LDLRAD3: variants seen among roughly 807,000 people sequenced by gnomAD.
LDLRAD3 encodes the protein low-density lipoprotein receptor class A domain-containing protein 3.
LDLRAD3 carries 20 observed loss-of-function variants against 29.4 expected under a neutral mutation model. The observed-to-expected ratio is 0.68, with a 90% CI of 0.48 to 0.99. The LOEUF (loss-of-function observed/expected upper bound fraction) is 0.99, where lower values mean the gene tolerates loss of function less well. Among genes scored for constraint, LDLRAD3 ranks in the 50% least tolerant of loss-of-function variants. The pLI is 0.00. For missense variants in LDLRAD3, 420 were observed against 454.3 expected, an observed-to-expected ratio of 0.92 and a Z score of 0.69; for synonymous variants, 157 against 192.7, an observed-to-expected ratio of 0.81 and a Z score of 1.53.
chr11:36,056,507 G>C (rs982359781), intron 2 of LDLRAD3, among the ~76,000 whole-genome samples: 1 of 152,166 alleles, frequency 6.6e-6, no homozygotes, highest in East Asian at 1.9e-4. Context: ...GGCTTGAGTT[G>C]AGCCACTGAA....
intron 1 of LDLRAD3, among the ~76,000 whole-genome samples, chr11:35,990,451 T>C (rs972461114): frequency 3.3e-5 from 5 of 152,068 alleles, no homozygotes; most frequent in African/African-American, 4.8e-5. Flanking sequence ...GGAATCTCGC[T>C]CTGTCACCCA....
intron 4 of LDLRAD3, among the ~76,000 whole-genome samples, chr11:36,137,064 A>G (rs150365276): frequency 6.6e-6 from 1 of 152,284 alleles, no homozygotes; most frequent in East Asian, 1.9e-4. Context: ...TAACACAGTT[A>G]CCCAAAGCCC....
chr11:36,221,590 T>C lies in LDLRAD3; in HGVS notation c.455-5495T>C, dbSNP rs147077957. On this transcript the variant is annotated intron_variant, in intron 4 of 5. Coordinates refer to ENST00000315571, the MANE Select transcript of LDLRAD3 (RefSeq NM_174902.4). ...CTTAGGTGGCAGGATCGCTTGAGCC[T>C]AAGAGTTCAAGACCAGCCTGGGCAG... Among the ~76,000 whole-genome samples, 61 of 152,140 alleles carry C rather than the reference T, an allele frequency of 4.0e-4. No homozygotes were observed. The Middle Eastern group carries it at 0.027, about 68-fold the overall frequency.
At chr11:36,087,984 G>T (rs1012054266) in intron 3 of LDLRAD3, among the ~76,000 whole-genome samples, 9 of 151,782 alleles carry the variant, frequency 5.9e-5, no homozygotes, top group African/African-American at 2.2e-4. Flanking sequence ...CTCCCAAAGT[G>T]CTGGGATTAC....
chr11:36,073,862 G>C (rs1037429714), intron 2 of LDLRAD3, among the ~76,000 whole-genome samples: 1 of 152,164 alleles, frequency 6.6e-6, no homozygotes, highest in Admixed American at 6.5e-5. Flanking sequence ...TCTGGAGCTG[G>C]GCTGGTCCTT....
chr11:36,225,318 G>T (rs905035534), intron 4 of LDLRAD3, among the ~76,000 whole-genome samples: 3 of 152,222 alleles, frequency 2.0e-5, no homozygotes, highest in Non-Finnish European at 4.4e-5. Flanking sequence ...ACAGTAGGTA[G>T]TGGCAGCTCT....
At chr11:36,031,341 A>G (rs1362912641) in intron 1 of LDLRAD3, among the ~76,000 whole-genome samples, 1 of 152,196 alleles carries the variant, frequency 6.6e-6, no homozygotes, top group Admixed American at 6.5e-5. Flanking sequence ...CCTCTTTTAA[A>G]GCAGACTGGG....
intron 1 of LDLRAD3, among the ~76,000 whole-genome samples, chr11:35,951,526 C>G (rs1851135666): frequency 6.6e-6 from 1 of 152,170 alleles, no homozygotes; most frequent in Non-Finnish European, 1.5e-5. Context: ...GTTGCTATCT[C>G]AGAAGCACAG....
rs766855250 is a variant in LDLRAD3, at chr11:36,229,134, C to T, written c.801-26C>T. 22 of 1,511,996 alleles carry T rather than the reference C, an allele frequency of 1.5e-5. No homozygotes were observed. The South Asian group carries it at 2.3e-4, about 15-fold the overall frequency. 93.7% of individuals were successfully genotyped at this position (1,511,996 alleles called of 1,614,324 possible). A position where few individuals can be genotyped will look rare whatever the true frequency, so the allele number is the denominator to read the frequency against. ...TCTTCTCTTCCTGTCTCCATTGCCC[C>T]TGCCCCCCTGCTGTCCCCATCACAG... On this transcript the variant is annotated intron_variant, in intron 5 of 5. Transcript: ENST00000315571.
intron 4 of LDLRAD3, chr11:36,197,768 C>G (rs1228834049): frequency 6.6e-6 from 1 of 152,050 alleles, no homozygotes; most frequent in Non-Finnish European, 1.5e-5. Flanking sequence ...AGACTATAGA[C>G]CAGGTATAGT....
chr11:36,086,402 T>C (rs1477551661), intron 3 of LDLRAD3, among the ~76,000 whole-genome samples: 2 of 152,098 alleles, frequency 1.3e-5, no homozygotes, highest in African/African-American at 4.8e-5. Flanking sequence ...TATATATGTG[T>C]TTTTGTAGGT....
chr11:36,169,700 C>T (rs1194794296), intron 4 of LDLRAD3, among the ~76,000 whole-genome samples: 3 of 152,108 alleles, frequency 2.0e-5, no homozygotes, highest in African/African-American at 7.2e-5. Flanking sequence ...ATCTATTCAT[C>T]CATTGATGGG....
At chr11:36,068,104 G>T (rs1852826893) in intron 2 of LDLRAD3, among the ~76,000 whole-genome samples, 1 of 151,946 alleles carries the variant, frequency 6.6e-6, no homozygotes, top group Non-Finnish European at 1.5e-5. Flanking sequence ...AGGGCCTCTT[G>T]CTAGCAGGAA....
In LDLRAD3 at chr11:36,111,862, G is replaced by A. The variant is rs143655989; in HGVS notation, c.454+13401G>A. On this transcript the variant is annotated intron_variant, in intron 4 of 5. Coordinates refer to ENST00000315571, the MANE Select transcript of LDLRAD3 (RefSeq NM_174902.4). ...TCCACCTGCCTCGGCCTCCCAAAGT[G>A]TTGGGGTTACAGGCGTGAGCCACCA... Among the ~76,000 whole-genome samples, 465 of 152,342 alleles carry A rather than the reference G, an allele frequency of 3.1e-3. 14 individuals are homozygous for A. In the East Asian group the frequency reaches 0.07, roughly 23 times the overall value.
chr11:36,091,014 G>A (rs1378321550), intron 3 of LDLRAD3, among the ~76,000 whole-genome samples: 1 of 152,184 alleles, frequency 6.6e-6, no homozygotes, highest in Non-Finnish European at 1.5e-5. Flanking sequence ...GGGATGATTT[G>A]CAGGGAGACT....
intron 1 of LDLRAD3, among the ~76,000 whole-genome samples, chr11:35,960,873 C>A (rs1052354559): frequency 2.0e-5 from 3 of 152,230 alleles, no homozygotes; most frequent in Non-Finnish European, 4.4e-5. Context: ...GGATTACAGG[C>A]GTGAGCCACC....
At chr11:36,017,998 T>C (rs1017188077) in intron 1 of LDLRAD3, among the ~76,000 whole-genome samples, 1 of 152,176 alleles carries the variant, frequency 6.6e-6, no homozygotes, top group African/African-American at 2.4e-5. Flanking sequence ...GCTGAACCAG[T>C]TGAGATGTCT....
At chr11:36,061,406 G>A (rs1275010589) in intron 2 of LDLRAD3, among the ~76,000 whole-genome samples, 3 of 152,182 alleles carry the variant, frequency 2.0e-5, no homozygotes, top group Non-Finnish European at 4.4e-5. Context: ...CTCCCAAAGC[G>A]CTGGGATTAC....
Position 35,963,669 on chromosome 11 carries a change from C to T in LDLRAD3, c.46+19525C>T, listed in dbSNP as rs115188065. Among the ~76,000 whole-genome samples, 1,355 of 152,250 alleles carry T rather than the reference C, an allele frequency of 8.9e-3. 24 individuals carry two copies. The highest frequency in any genetic ancestry group is 0.031 in the African/African-American group (1,285 of 41,540). On this transcript the variant is annotated intron_variant, in intron 1 of 5. Coordinates refer to ENST00000315571, the MANE Select transcript of LDLRAD3 (RefSeq NM_174902.4). ...CCCACATGTAAACACTACTGTTCTT[C>T]GTCCTGGGAAGAAATTCAACATTGG...
Sources: gnomAD v4.1 joint callset for allele counts (sites outside exome capture counted in the v4.1 genomes callset) on GRCh38, gnomAD v4.1.1 for gene constraint, MANE v1.5 for transcripts, NCBI Gene and HGNC (gene_info 2026-07-23, HGNC 2026-07-21) for gene names.